Variants in KCNAB1 observed in about 807,000 individuals in gnomAD.
KCNAB1 encodes the protein voltage-gated potassium channel subunit beta-1.
A neutral mutation model predicts 64.6 loss-of-function variants in KCNAB1; 35 were observed. The ratio of observed to expected loss-of-function variants is 0.54; its 90% confidence interval spans 0.41 to 0.72. The LOEUF (loss-of-function observed/expected upper bound fraction) is 0.72. Ranked by LOEUF, KCNAB1 falls within the 30% of genes least tolerant of loss-of-function variation. KCNAB1 has a pLI of 0.00. For synonymous variants in KCNAB1, 177 were observed against 183.8 expected, an observed-to-expected ratio of 0.96 and a Z score of 0.30; for missense variants, 401 against 512.9, an observed-to-expected ratio of 0.78 and a Z score of 2.11.
chr3:156,439,268 G>A (rs907898657), intron 2 of KCNAB1, among the ~76,000 whole-genome samples: 18 of 143,014 alleles, frequency 1.3e-4, no homozygotes, highest in African/African-American at 4.4e-4. Flanking sequence ...AATACCGTGA[G>A]TAGGTATCAT....
At chr3:156,330,625 A>G (rs951087055) in intron 1 of KCNAB1, among the ~76,000 whole-genome samples, 1 of 152,168 alleles carries the variant, frequency 6.6e-6, no homozygotes, top group Non-Finnish European at 1.5e-5. Context: ...TCTGGTTGTC[A>G]CTAATCCCAT....
intron 1 of KCNAB1, chr3:156,175,748 C>T (rs897829619): frequency 3.8e-5 from 21 of 558,768 alleles, no homozygotes; most frequent in Non-Finnish European, 6.1e-5. Flanking sequence ...TCCTCTGTTT[C>T]TTGCCAGTAA....
chr3:156,187,630 A>C (rs982737274), intron 1 of KCNAB1, among the ~76,000 whole-genome samples: 7 of 152,300 alleles, frequency 4.6e-5, no homozygotes, highest in African/African-American at 1.7e-4. Flanking sequence ...CAAGTCATCA[A>C]GTCCTATTGA....
At chr3:156,234,505 A>G in intron 1 of KCNAB1, among the ~76,000 whole-genome samples, 1 of 152,032 alleles carries the variant, frequency 6.6e-6, no homozygotes, top group Non-Finnish European at 1.5e-5. Flanking sequence ...ACGTAGGATG[A>G]GAAGAAGCTT....
At position 156,338,817 on chromosome 3, in the gene KCNAB1, A is replaced by G. The variant is rs141892874; in HGVS notation, c.276-82799A>G. Among the ~76,000 whole-genome samples the G allele has an allele frequency of 6.8e-3, 1,036 of 152,246 alleles. 8 individuals carry two copies. The highest frequency in any genetic ancestry group is 9.9e-3 in the Non-Finnish European group (671 of 68,008). On this transcript the variant is annotated intron_variant, in intron 1 of 13. Coordinates refer to ENST00000490337, the MANE Select transcript of KCNAB1 (RefSeq NM_172160.3). ...ATTCTCCTCCTTGCTCATCTCAGTG[A>G]GTCATTGTCCTGTGCCTTTATCTCC... is the stretch of plus-strand genomic sequence containing the variant.
At chr3:156,414,694 A>G (rs1402782589) in intron 1 of KCNAB1, among the ~76,000 whole-genome samples, 2 of 152,198 alleles carry the variant, frequency 1.3e-5, no homozygotes, top group Non-Finnish European at 2.9e-5. Context: ...TATGCCCTTG[A>G]GACAGAGGTT....
At chr3:156,482,123 C>CT (rs993604998) in intron 8 of KCNAB1, among the ~76,000 whole-genome samples, 1 of 151,974 alleles carries the variant, frequency 6.6e-6, no homozygotes, top group African/African-American at 2.4e-5. Flanking sequence ...TCTTATAGCC[C>CT]TTTTTTTCCT....
At chr3:156,214,168 C>G (rs1251187199) in intron 1 of KCNAB1, among the ~76,000 whole-genome samples, 1 of 152,124 alleles carries the variant, frequency 6.6e-6, no homozygotes, top group African/African-American at 2.4e-5. Context: ...CTTTAATAAA[C>G]TGGTAAAGTA....
At chr3:156,197,860 A>G (rs906601878) in intron 1 of KCNAB1, among the ~76,000 whole-genome samples, 4 of 151,888 alleles carry the variant, frequency 2.6e-5, no homozygotes, top group Non-Finnish European at 4.4e-5. Context: ...TTGCTTTTCT[A>G]GTTCTTTTAA....
chr3:156,280,878 GT>G (rs1719667577), intron 1 of KCNAB1, among the ~76,000 whole-genome samples: 1 of 149,276 alleles, frequency 6.7e-6, no homozygotes, highest in Non-Finnish European at 1.5e-5. Context: ...AGACGATGGG[GT>G]TTTCTAGATA....
intron 8 of KCNAB1, among the ~76,000 whole-genome samples, chr3:156,499,813 T>C (rs1173344018): frequency 2.0e-5 from 3 of 152,060 alleles, no homozygotes; most frequent in Admixed American, 2.0e-4. Context: ...AAGCACAAGG[T>C]AGGCACTCAG....
intron 1 of KCNAB1, among the ~76,000 whole-genome samples, chr3:156,390,829 C>T (rs1348103765): frequency 6.6e-6 from 1 of 152,158 alleles, no homozygotes; most frequent in Non-Finnish European, 1.5e-5. Flanking sequence ...TCATGATCCA[C>T]CTGCCTCGGC....
intron 8 of KCNAB1, among the ~76,000 whole-genome samples, chr3:156,500,272 A>G (rs1285780569): frequency 6.6e-6 from 1 of 152,210 alleles, no homozygotes; most frequent in Non-Finnish European, 1.5e-5. Flanking sequence ...GCCTGGGGAT[A>G]GCAGAGTGGA....
chr3:156,370,420 T>C (rs1726226833), intron 1 of KCNAB1, among the ~76,000 whole-genome samples: 1 of 152,244 alleles, frequency 6.6e-6, no homozygotes, highest in African/African-American at 2.4e-5. Context: ...CCTGAAATTT[T>C]TTTAGCACTA....
rs1426917186 is a variant in KCNAB1, at chr3:156,209,496, A to C, written c.275+88610A>C. Among the ~76,000 whole-genome samples the C allele has an allele frequency of 3.9e-5, 6 of 152,368 alleles. No individual in the cohort carries two copies. The South Asian group carries it at 1.2e-3, about 32-fold the overall frequency. ...TCTAAAAGCATAATGCTTTGAAGAA[A>C]AGAAAATTTCCAAATATTTCCTGAA... On this transcript the variant is annotated intron_variant, in intron 1 of 13. Transcript: ENST00000490337.
chr3:156,372,818 AAG>A (rs1322034085), intron 1 of KCNAB1, among the ~76,000 whole-genome samples: 1 of 152,212 alleles, frequency 6.6e-6, no homozygotes, highest in Non-Finnish European at 1.5e-5. Context: ...GAGGCTGTGA[AAG>A]AATATTACAG....
intron 1 of KCNAB1, among the ~76,000 whole-genome samples, chr3:156,248,572 TG>T (rs978872060): frequency 6.6e-6 from 1 of 151,198 alleles, no homozygotes; most frequent in African/African-American, 2.4e-5. Context: ...ATAGAATGAA[TG>T]CCATTAGTTA....
At chr3:156,354,122 A>ATATATATATATATATATGTGTG (rs1725063928) in intron 1 of KCNAB1, among the ~76,000 whole-genome samples, 1 of 69,572 alleles carries the variant, frequency 1.4e-5, no homozygotes, top group African/African-American at 5.7e-5. Context: ...GTGTGTGTGT[A>ATATATATATATATATATGTGTG]TATATATATA....
intron 1 of KCNAB1, among the ~76,000 whole-genome samples, chr3:156,345,874 T>C (rs144313764): frequency 1.1e-3 from 168 of 152,304 alleles, no homozygotes; most frequent in African/African-American, 4.0e-3. Flanking sequence ...TGAGGATGTC[T>C]TACGCTGTGC....
Sources: allele counts gnomAD v4.1 joint callset (sites outside exome capture counted in the v4.1 genomes callset), GRCh38; gene constraint gnomAD v4.1.1; transcripts MANE v1.5; gene names NCBI Gene and HGNC (gene_info 2026-07-23, HGNC 2026-07-21).